Variants in MYO5A observed in about 807,000 individuals in gnomAD.
The protein encoded by MYO5A is unconventional myosin-Va.
A neutral mutation model predicts 249.7 loss-of-function variants in MYO5A; 98 were observed. The ratio of observed to expected loss-of-function variants is 0.39; its 90% CI spans 0.33 to 0.46. MYO5A has a LOEUF of 0.46. Ranked by LOEUF, MYO5A falls within the 20% of genes least tolerant of loss-of-function variation. The pLI, the probability that MYO5A is intolerant of heterozygous loss-of-function variation, is 0.98. For synonymous variants in MYO5A, 778 were observed against 810.6 expected, an observed-to-expected ratio of 0.96 and a Z score of 0.68; for missense variants, 1,696 against 2,308.8, an observed-to-expected ratio of 0.73 and a Z score of 5.44.
chr15:52,471,592 A>AACACACACACACACACACACACACAC (rs111751236), intron 1 of MYO5A, among the ~76,000 whole-genome samples: 42 of 144,968 alleles, frequency 2.9e-4, no homozygotes, highest in African/African-American at 1.1e-3. Flanking sequence ...CTGTCTCTAA[A>AACACACACACACACACACACACACAC]ACACACACAC....
chr15:52,528,877 G>C lies in MYO5A; in HGVS notation c.-71C>G, dbSNP rs866652067. 1.2e-5 allele frequency: 16 copies of C among 1,356,086 alleles called. No individual in the cohort carries two copies. The highest frequency in any genetic ancestry group is 6.4e-5 in the East Asian group (2 of 31,472). The allele number at this position is 1,356,086 out of a possible 1,614,324, so 84.0% of individuals were successfully genotyped here. ...CCTCGCCTGGGCGGCCGCCCGAGCG[G>C]ACTAGGAAGCGCCCGCAGCCGCCGG... is the stretch of plus-strand genomic sequence containing the variant. On this transcript the variant is annotated 5_prime_UTR_variant, in exon 1 of 42. Transcript: ENST00000399233.
intron 1 of MYO5A, chr15:52,437,902 A>C (rs866617816): frequency 1.8e-5 from 6 of 325,058 alleles, no homozygotes; most frequent in Middle Eastern, 3.1e-3. Flanking sequence ...TAAGGCCCTC[A>C]TATTCACCAA....
intron 1 of MYO5A, chr15:52,505,956 G>A (rs1053014529): frequency 4.4e-6 from 5 of 1,126,100 alleles, no homozygotes; most frequent in Non-Finnish European, 6.2e-6. Flanking sequence ...GCTCATACCT[G>A]TAATCCCATC....
intron 1 of MYO5A, among the ~76,000 whole-genome samples, chr15:52,471,600 C>CACACACACACACAG (rs2076472013): frequency 6.6e-6 from 1 of 150,920 alleles, no homozygotes. Flanking sequence ...AAAACACACA[C>CACACACACACACAG]ACACACACAC....
chr15:52,411,544 A>G (rs1259757393), intron 5 of MYO5A, among the ~76,000 whole-genome samples: 4 of 152,204 alleles, frequency 2.6e-5, no homozygotes, highest in Non-Finnish European at 4.4e-5. Context: ...AAGCAAAAAA[A>G]AAAAAGATGT....
chr15:52,450,546 G>A (rs1476507551), intron 1 of MYO5A, among the ~76,000 whole-genome samples: 1 of 151,756 alleles, frequency 6.6e-6, no homozygotes. Context: ...GTGCACGCCT[G>A]TAGTCCCAGC....
intron 34 of MYO5A, among the ~76,000 whole-genome samples, chr15:52,333,406 T>C (rs770763823): frequency 1.3e-5 from 2 of 152,200 alleles, no homozygotes; most frequent in Non-Finnish European, 2.9e-5. Flanking sequence ...TCCTAATAAG[T>C]AGAAGATTTC....
intron 31 of MYO5A, among the ~76,000 whole-genome samples, chr15:52,341,722 T>C (rs2039391757): frequency 9.7e-6 from 1 of 103,130 alleles, no homozygotes; most frequent in Non-Finnish European, 2.0e-5. Context: ...CCAAAGTTAA[T>C]GACAAGCGTT....
intron 1 of MYO5A, among the ~76,000 whole-genome samples, chr15:52,477,100 CTT>C (rs1217913508): frequency 1.3e-5 from 2 of 152,160 alleles, no homozygotes; most frequent in Non-Finnish European, 2.9e-5. Context: ...TCTTTTTACT[CTT>C]TTTTCTCTAA....
At chr15:52,389,159 A>C in intron 13 of MYO5A, 79 bp downstream of exon 13, 1 of 1,473,724 alleles carries the variant, frequency 6.8e-7, no homozygotes. Flanking sequence ...GCAAAAGAAA[A>C]AAAAAGATAC....
chr15:52,403,325 C>A (rs997726896), intron 9 of MYO5A, among the ~76,000 whole-genome samples: 4 of 152,144 alleles, frequency 2.6e-5, no homozygotes, highest in African/African-American at 9.7e-5. Context: ...AAATATCCAA[C>A]AATCAACCAG....
At chr15:52,349,714 G>A (rs1028826663) in intron 28 of MYO5A, among the ~76,000 whole-genome samples, 1 of 151,896 alleles carries the variant, frequency 6.6e-6, no homozygotes, top group South Asian at 2.1e-4. Flanking sequence ...ATTTTTTTAA[G>A]AAAGAATACT....
chr15:52,348,299 T>C (rs886510843), intron 29 of MYO5A, among the ~76,000 whole-genome samples: 2 of 6,238 alleles, frequency 3.2e-4, no homozygotes, highest in Non-Finnish European at 8.6e-3. Flanking sequence ...ACTCAGTACA[T>C]AGAGAAACAG....
At chr15:52,430,965 C>A (rs1261444870) in intron 2 of MYO5A, among the ~76,000 whole-genome samples, 1 of 151,868 alleles carries the variant, frequency 6.6e-6, no homozygotes, top group Non-Finnish European at 1.5e-5. Flanking sequence ...GGTGCAGTGG[C>A]TCATGCCTGT....
chr15:52,333,835 A>C (rs2038996330), intron 34 of MYO5A, among the ~76,000 whole-genome samples: 1 of 152,244 alleles, frequency 6.6e-6, no homozygotes, highest in Admixed American at 6.5e-5. Context: ...GACAACGTTT[A>C]GTTATTAGAA....
rs1398830788 is a variant in MYO5A, at chr15:52,317,064, G to T, written c.5393C>A (p.Ala1798Asp). The T allele has an allele frequency of 6.2e-7, 1 of 1,613,882 alleles. No individual in the cohort carries two copies. The highest frequency in any genetic ancestry group is 1.3e-5 in the African/African-American group (1 of 74,904). Residue 1798 changes from alanine to aspartate, a missense_variant, in exon 40 of 42, where the codon GCT becomes GAT. Ala to Asp is a moderately radical substitution (Grantham distance 126). Around this residue, in one of 5 missense-constraint regions of MYO5A, gnomAD observed 625 missense variants for 908.1 expected, o/e 0.69. Coordinates refer to ENST00000399233, the MANE Select transcript of MYO5A (RefSeq NM_001382347.1). Reference protein sequence around the residue: ...DAEAICSMCNALTTAQIVKVL... With the variant: ...DAEAICSMCNDLTTAQIVKVL... ...TTGCTCTACCTGGGCAGTAGTTAAA[G>T]CATTGCACATAGAACAAATGGCTTC...
chr15:52,428,806 C>A (rs1212187043), intron 2 of MYO5A, among the ~76,000 whole-genome samples: 1 of 152,192 alleles, frequency 6.6e-6, no homozygotes, highest in Non-Finnish European at 1.5e-5. Flanking sequence ...AAAGCCATAG[C>A]CTAGACCTTT....
rs889831177 is a variant in MYO5A, at chr15:52,356,835, T to C, written c.3424-2821A>G. ...TTTTTTTTTATTTTCAGGAATTGTA[T>C]ATTAATTAGCTACCTTTGGTCTTTC... On this transcript the variant is annotated intron_variant, in intron 25 of 41. Coordinates refer to ENST00000399233, the MANE Select transcript of MYO5A (RefSeq NM_001382347.1). Among the ~76,000 whole-genome samples the C allele has an allele frequency of 6.1e-5, 9 of 148,568 alleles. No homozygotes were observed. The South Asian group carries it at 6.3e-4, about 10-fold the overall frequency.
intron 1 of MYO5A, among the ~76,000 whole-genome samples, chr15:52,450,541 C>T (rs548997008): frequency 9.2e-5 from 14 of 151,642 alleles, no homozygotes; most frequent in South Asian, 2.1e-4. Context: ...TGGTGGTGCA[C>T]GCCTGTAGTC....
Sources: gnomAD v4.1 joint callset for allele counts (sites outside exome capture counted in the v4.1 genomes callset) on GRCh38, gnomAD v4.1.1 for gene constraint, gnomAD v4.1.1 regional missense constraint, MANE v1.5 for transcripts, NCBI Gene and HGNC (gene_info 2026-07-23, HGNC 2026-07-21) for gene names.